The following ATXN7L1 variants were observed in gnomAD, a reference collection of about 807,000 sequenced individuals.
The protein encoded by ATXN7L1 is ataxin-7-like protein 1.
ATXN7L1 carries 15 observed loss-of-function variants against 70.8 expected under a neutral mutation model. The observed-to-expected ratio is 0.21, with a 90% CI of 0.14 to 0.33. The LOEUF is 0.33. Ranked by LOEUF, ATXN7L1 falls within the 10% of genes least tolerant of loss-of-function variation. ATXN7L1 has a pLI of 1.00. For missense variants in ATXN7L1, 975 were observed against 1,097.1 expected (o/e 0.89, Z 1.57); for synonymous variants, 440 against 445.1 (o/e 0.99, Z 0.14).
At chr7:105,759,316 A>G (rs1297014888) in intron 3 of ATXN7L1, among the ~76,000 whole-genome samples, 3 of 151,840 alleles carry the variant, frequency 2.0e-5, no homozygotes, top group African/African-American at 7.3e-5. Context: ...CTGGGCTCAG[A>G]TCCAGCTTGG....
chr7:105,747,392 C>T (rs1041624912), intron 3 of ATXN7L1, among the ~76,000 whole-genome samples: 1 of 152,204 alleles, frequency 6.6e-6, no homozygotes, highest in African/African-American at 2.4e-5. Context: ...GAGGAACTCA[C>T]TTTCAGGGCA....
At chr7:105,764,558 A>C (rs914703830) in intron 3 of ATXN7L1, among the ~76,000 whole-genome samples, 9 of 152,190 alleles carry the variant, frequency 5.9e-5, no homozygotes, top group Non-Finnish European at 1.2e-4. Flanking sequence ...TAAACATCTA[A>C]ATCATTCATT....
intron 3 of ATXN7L1, among the ~76,000 whole-genome samples, chr7:105,668,565 G>A (rs1485482773): frequency 1.3e-5 from 2 of 152,016 alleles, no homozygotes; most frequent in Non-Finnish European, 1.5e-5. Context: ...GGGATTATAG[G>A]CATGCACCAT....
In ATXN7L1 at chr7:105,624,118, T is replaced by G. The variant is rs1795326856; in HGVS notation, c.1352A>C (p.Lys451Thr). ...GTGCGTGGAGAACTGACAGTCTAGC[T>G]TCTCGGATTCGTCGGCTCCGTCCAT... ...GEMDGADESE[K>T]LDCQFSTHHP... Residue 451 changes from lysine to threonine, a missense_variant, in exon 8 of 12, where the codon AAG becomes ACG. This residue lies in a region of ATXN7L1 where 635 missense variants were observed against 699.4 expected (regional missense o/e 0.91). Coordinates refer to ENST00000419735, the MANE Select transcript of ATXN7L1 (RefSeq NM_020725.2). 6.6e-7 allele frequency: 1 copy of G among 1,518,370 alleles called. No homozygotes were observed. 94.1% of individuals were successfully genotyped at this position (1,518,370 alleles called of 1,614,324 possible).
At position 105,702,338 on chromosome 7, in the gene ATXN7L1, G is replaced by A. The variant is rs368070444; in HGVS notation, c.356-37050C>T. 5.3e-5 allele frequency among the ~76,000 whole-genome samples: 8 copies of A among 152,310 alleles called. No homozygotes were observed. In the East Asian group the frequency reaches 1.5e-3, roughly 29 times the overall value. ...ATCCAAACCTAGTTTTCCTGGGTTT[G>A]TTCTCTTTATTCTGTGCCATTGCAT... On this transcript the variant is annotated intron_variant, in intron 3 of 11. Coordinates refer to ENST00000419735, the MANE Select transcript of ATXN7L1 (RefSeq NM_020725.2).
intron 3 of ATXN7L1, among the ~76,000 whole-genome samples, chr7:105,742,585 G>A (rs573800904): frequency 6.6e-6 from 1 of 152,306 alleles, no homozygotes; most frequent in South Asian, 2.1e-4. Context: ...TGTTGGAGCT[G>A]GGATGGGGAT....
intron 3 of ATXN7L1, among the ~76,000 whole-genome samples, chr7:105,740,768 C>CTTTTTTTTTTTTTTT (rs1563055385): frequency 1.0e-5 from 1 of 98,244 alleles, no homozygotes; most frequent in African/African-American, 5.5e-5. Context: ...TGGCTCCATT[C>CTTTTTTTTTTTTTTT]ATTTTTTTTT....
intron 3 of ATXN7L1, among the ~76,000 whole-genome samples, chr7:105,694,351 G>A (rs1791437311): frequency 6.6e-6 from 1 of 152,116 alleles, no homozygotes; most frequent in Non-Finnish European, 1.5e-5. Flanking sequence ...TGGCTGAGAA[G>A]TGAGTCTTCA....
intron 4 of ATXN7L1, among the ~76,000 whole-genome samples, chr7:105,655,717 G>A (rs899596415): frequency 2.6e-5 from 4 of 152,170 alleles, no homozygotes; most frequent in Non-Finnish European, 5.9e-5. Flanking sequence ...TCTGGCCAGG[G>A]CCTCTCAGTG....
chr7:105,644,652 C>A (rs915707996), intron 4 of ATXN7L1, among the ~76,000 whole-genome samples: 3 of 152,144 alleles, frequency 2.0e-5, no homozygotes, highest in Non-Finnish European at 4.4e-5. Context: ...GTGAGCACAC[C>A]AAGATGCTAG....
chr7:105,711,896 T>C (rs924213350), intron 3 of ATXN7L1, among the ~76,000 whole-genome samples: 2 of 152,230 alleles, frequency 1.3e-5, no homozygotes, highest in Non-Finnish European at 2.9e-5. Flanking sequence ...GTAGAGGTTC[T>C]CCTTGAGGGC....
At chr7:105,679,127 A>G (rs1805187809) in intron 3 of ATXN7L1, 1 of 986,012 alleles carries the variant, frequency 1.0e-6, no homozygotes, top group African/African-American at 1.7e-5. Flanking sequence ...GTGGTAGTAG[A>G]TGTTTCCTGG....
At position 105,614,065 on chromosome 7, in the gene ATXN7L1, G is replaced by A. The variant is rs1476541467; in HGVS notation, c.2269C>T (p.Leu757Phe). The change falls in exon 10 of 12, where the codon CTC (leucine) becomes TTC (phenylalanine). Residue 757 changes from leucine (L) to phenylalanine (F), a missense_variant. Physicochemically the swap from Leu to Phe is conservative, Grantham distance 22 (BLOSUM62 0). Transcript: ENST00000419735. This position sits in a 1 kb window ranked among gnomAD's most constrained non-coding sequence, Gnocchi z 4.3. ...VPSLALHAGDLSLASHNAVSS... is the reference protein window; with the variant it reads ...VPSLALHAGDFSLASHNAVSS... Reference sequence around the variant, plus strand: ...ACAGCATTGTGTGAGGCCAGAGAGAGGTCCCCTGCGTGGAGCGCAAGGGAG... The same window carrying A: ...ACAGCATTGTGTGAGGCCAGAGAGAAGTCCCCTGCGTGGAGCGCAAGGGAG... 1 of 1,551,696 alleles carries A rather than the reference G, an allele frequency of 6.4e-7. No individual in the cohort carries two copies. The highest frequency in any genetic ancestry group is 1.4e-5 in the African/African-American group (1 of 73,046).
intron 3 of ATXN7L1, among the ~76,000 whole-genome samples, chr7:105,722,560 TAAAAAAA>T (rs56228890): frequency 8.7e-3 from 180 of 20,798 alleles, no homozygotes; most frequent in Non-Finnish European, 0.014. Context: ...GACTCTGCCT[TAAAAAAA>T]AAAAAAAAAA....
chr7:105,726,965 T>G (rs1257718105), intron 3 of ATXN7L1, among the ~76,000 whole-genome samples: 1 of 152,232 alleles, frequency 6.6e-6, no homozygotes, highest in Non-Finnish European at 1.5e-5. Context: ...CAGCATGAGG[T>G]TCTTTTAAAT....
intron 3 of ATXN7L1, among the ~76,000 whole-genome samples, chr7:105,690,787 G>T (rs573840410): frequency 6.6e-6 from 1 of 152,186 alleles, no homozygotes; most frequent in Non-Finnish European, 1.5e-5. Flanking sequence ...CAGCCATTCA[G>T]TGGGACAAGC....
At chr7:105,789,958 C>T (rs1411257882) in intron 2 of ATXN7L1, among the ~76,000 whole-genome samples, 1 of 152,106 alleles carries the variant, frequency 6.6e-6, no homozygotes, top group African/African-American at 2.4e-5. Context: ...TACCACAGAA[C>T]ATTATCCATC....
intron 3 of ATXN7L1, chr7:105,761,317 A>G (rs1443586598): frequency 3.7e-6 from 6 of 1,609,738 alleles, no homozygotes; most frequent in Non-Finnish European, 5.1e-6. Context: ...AGCCGTCTCC[A>G]GACAATGCCA....
Position 105,796,383 on chromosome 7 carries a change from T to A in ATXN7L1, c.251-7675A>T, listed in dbSNP as rs761021010. Among the ~76,000 whole-genome samples the A allele has an allele frequency of 4.6e-4, 70 of 151,942 alleles. 1 individual carries two copies. Among genetic ancestry groups the A allele is most frequent in the Admixed American group, 2.3e-3 (35 of 15,232 alleles). On this transcript the variant is annotated intron_variant, in intron 2 of 11. Transcript: ENST00000419735. ...CTCAAAAATAAATAAATAAATTAATTAATTAAGTCTCTGCTCACTGGGAGG... is the reference window on the plus strand; with the variant it reads ...CTCAAAAATAAATAAATAAATTAATAAATTAAGTCTCTGCTCACTGGGAGG...
Sources: gnomAD v4.1 joint callset for allele counts (sites outside exome capture counted in the v4.1 genomes callset) on GRCh38, gnomAD v4.1.1 for gene constraint, gnomAD v4.1.1 regional missense constraint, Gnocchi (gnomAD v3.1) non-coding constraint, MANE v1.5 for transcripts, NCBI Gene and HGNC (gene_info 2026-07-23, HGNC 2026-07-21) for gene names.